C3orf20: variants seen among roughly 807,000 people sequenced by gnomAD.
C3orf20 encodes the protein uncharacterized protein C3orf20.
Under a neutral mutation model 88.3 loss-of-function variants are expected in C3orf20, and 76 were observed. The ratio of observed to expected loss-of-function variants is 0.86; its 90% CI spans 0.72 to 1.04. C3orf20 has a LOEUF of 1.04. Among genes scored for constraint, C3orf20 ranks in the 50% least tolerant of loss-of-function variants. C3orf20 has a pLI of 0.00. For synonymous variants in C3orf20, 436 were observed against 437.4 expected, an observed-to-expected ratio of 1.00 and a Z score of 0.04; for missense variants, 1,056 against 1,123.3, an observed-to-expected ratio of 0.94 and a Z score of 0.86.
chr3:14,715,646 C>G (rs2033910753), intron 9 of C3orf20, among the ~76,000 whole-genome samples: 1 of 152,226 alleles, frequency 6.6e-6, no homozygotes, highest in Admixed American at 6.5e-5. Flanking sequence ...ACAGACATTT[C>G]TTGGTAATAT....
chr3:14,716,935 A>G (rs898712914), intron 9 of C3orf20, among the ~76,000 whole-genome samples: 1 of 152,146 alleles, frequency 6.6e-6, no homozygotes, highest in African/African-American at 2.4e-5. Flanking sequence ...GCCCCAGTCT[A>G]GGGGTGTGTT....
intron 7 of C3orf20, among the ~76,000 whole-genome samples, chr3:14,710,330 A>G (rs928726602): frequency 1.3e-4 from 20 of 151,450 alleles, no homozygotes; most frequent in East Asian, 3.9e-4. Context: ...CTATTTTTCT[A>G]TTCTCAATTC....
At chr3:14,747,832 TTA>T (rs959049523) in intron 12 of C3orf20, among the ~76,000 whole-genome samples, 1 of 151,864 alleles carries the variant, frequency 6.6e-6, no homozygotes, top group Non-Finnish European at 1.5e-5. Context: ...AGGCTTTATA[TTA>T]TATATATATG....
At chr3:14,751,655 G>A (rs969988954) in intron 12 of C3orf20, among the ~76,000 whole-genome samples, 69 of 152,088 alleles carry the variant, frequency 4.5e-4, no homozygotes, top group African/African-American at 1.6e-3. Flanking sequence ...AAATCAATGT[G>A]CAAAAATCAC....
chr3:14,738,737 T>C (rs888517968), intron 12 of C3orf20, among the ~76,000 whole-genome samples: 3 of 144,800 alleles, frequency 2.1e-5, no homozygotes, highest in African/African-American at 7.7e-5. Context: ...GGCTCCTGGG[T>C]TCAAGCGACT....
intron 5 of C3orf20, among the ~76,000 whole-genome samples, chr3:14,697,062 T>C (rs1018684286): frequency 6.6e-6 from 1 of 152,190 alleles, no homozygotes; most frequent in Admixed American, 6.5e-5. Flanking sequence ...CTCCATTGTA[T>C]GTTATTTGTT....
intron 5 of C3orf20, among the ~76,000 whole-genome samples, chr3:14,693,031 T>C (rs1347635303): frequency 1.3e-5 from 2 of 152,256 alleles, no homozygotes; most frequent in Non-Finnish European, 2.9e-5. Context: ...GGGTTCATTG[T>C]AGACGTATAG....
In C3orf20 at chr3:14,704,469, C is replaced by G. The variant is rs374262425; in HGVS notation, c.1011C>G (p.Tyr337Ter). The stretch of plus-strand genomic sequence containing the variant: ...ACTCTCAGACCCCGGGTTTACATTA[C>G]CCTCCCACTGCAGGTGCTCAGACTC... ...KGDSQTPGLH[Y>*]PPTAGAQTLS... is the part of the protein sequence containing the mutation. Residue 337 changes from tyrosine (Y) to a stop codon, truncating the protein, a stop_gained, in exon 7 of 17, where the codon TAC becomes TAG. Coordinates refer to ENST00000253697, the MANE Select transcript of C3orf20 (RefSeq NM_032137.5). LOFTEE classifies it high-confidence loss of function. 9 of 1,614,026 alleles carry G rather than the reference C, an allele frequency of 5.6e-6. No individual in the cohort carries two copies. The highest frequency in any genetic ancestry group is 7.6e-6 in the Non-Finnish European group (9 of 1,180,026).
intron 4 of C3orf20, among the ~76,000 whole-genome samples, chr3:14,685,762 T>A (rs781231451): frequency 2.0e-5 from 3 of 152,026 alleles, no homozygotes; most frequent in Non-Finnish European, 4.4e-5. Flanking sequence ...GTATGTGAGA[T>A]CATACAGGAT....
At chr3:14,695,677 G>A (rs1303561326) in intron 5 of C3orf20, among the ~76,000 whole-genome samples, 1 of 151,994 alleles carries the variant, frequency 6.6e-6, no homozygotes, top group Non-Finnish European at 1.5e-5. Context: ...CTGCTCCAGT[G>A]TTGGGTATAT....
chr3:14,759,742 C>G, intron 13 of C3orf20, 149 bp from the exon 14 acceptor site: 1 of 665,804 alleles, frequency 1.5e-6, no homozygotes, highest in Non-Finnish European at 2.7e-6. Context: ...CATGCAGGCC[C>G]AAGGGCCCCT....
chr3:14,756,873 C>T (rs11128718), intron 12 of C3orf20, among the ~76,000 whole-genome samples: 27,606 of 152,120 alleles, frequency 0.18, 2,711 homozygotes, highest in South Asian at 0.4. Context: ...AGTGACATGA[C>T]GTGAGCTAGG....
intron 10 of C3orf20, chr3:14,722,214 C>T: frequency 3.2e-6 from 1 of 316,712 alleles, no homozygotes; most frequent in South Asian, 2.8e-5. Context: ...CATCTCTGGG[C>T]TATTATTATA....
At chr3:14,687,591 G>A (rs993322716) in intron 4 of C3orf20, among the ~76,000 whole-genome samples, 19 of 152,312 alleles carry the variant, frequency 1.2e-4, no homozygotes, top group Admixed American at 3.9e-4. Flanking sequence ...TAAGTAGTCT[G>A]TTGCACGTGC....
At chr3:14,697,320 C>G (rs1484540395) in intron 5 of C3orf20, among the ~76,000 whole-genome samples, 1 of 152,088 alleles carries the variant, frequency 6.6e-6, no homozygotes, top group African/African-American at 2.4e-5. Flanking sequence ...TAAATTTGCC[C>G]TTTTGAGGTT....
At chr3:14,757,219 C>T in intron 12 of C3orf20, 152 bp from the exon 13 acceptor site, 1 of 641,018 alleles carries the variant, frequency 1.6e-6, no homozygotes, top group Non-Finnish European at 2.7e-6. Flanking sequence ...GGTTAGGGGA[C>T]CTGTTCAAGG....
chr3:14,726,077 T>C (rs1284268584), intron 10 of C3orf20, among the ~76,000 whole-genome samples: 1 of 152,194 alleles, frequency 6.6e-6, no homozygotes, highest in Non-Finnish European at 1.5e-5. Context: ...AGGTCTTAGA[T>C]TGGGTCTCCT....
intron 9 of C3orf20, among the ~76,000 whole-genome samples, chr3:14,718,727 A>G (rs972750938): frequency 1.2e-4 from 18 of 152,256 alleles, no homozygotes; most frequent in Non-Finnish European, 2.9e-5. Flanking sequence ...GGTTAGACTG[A>G]AACCACAAAC....
intron 9 of C3orf20, among the ~76,000 whole-genome samples, chr3:14,720,230 C>T (rs1172280210): frequency 6.6e-6 from 1 of 152,118 alleles, no homozygotes; most frequent in East Asian, 1.9e-4. Context: ...CGGGGTTTCA[C>T]CGTATTAGCC....
Sources: allele counts gnomAD v4.1 joint callset (sites outside exome capture counted in the v4.1 genomes callset), GRCh38; gene constraint gnomAD v4.1.1; transcripts MANE v1.5; gene names NCBI Gene and HGNC (gene_info 2026-07-23, HGNC 2026-07-21).